NBEA: variants seen among roughly 807,000 people sequenced by gnomAD.
The protein encoded by NBEA is neurobeachin.
A neutral mutation model predicts 343.4 loss-of-function variants in NBEA; 44 were observed. That is an observed-to-expected ratio of 0.13 (90% CI 0.10 to 0.16). The LOEUF is 0.16. NBEA is among the 10% of genes least tolerant of loss of function. NBEA has a pLI of 1.00. For synonymous variants in NBEA, 1,175 were observed against 1,238.7 expected (o/e 0.95, Z 1.08); for missense variants, 2,555 against 3,631.3 (o/e 0.70, Z 7.62).
chr13:35,393,155 A>G (rs1289466054), intron 38 of NBEA, among the ~76,000 whole-genome samples: 1 of 152,200 alleles, frequency 6.6e-6, no homozygotes, highest in Non-Finnish European at 1.5e-5. Flanking sequence ...AGTGAAAGAT[A>G]GCAATTGTAA....
intron 13 of NBEA, among the ~76,000 whole-genome samples, chr13:35,114,343 A>G (rs2066389999): frequency 6.6e-6 from 1 of 152,088 alleles, no homozygotes; most frequent in Admixed American, 6.6e-5. Context: ...ATAGTGAGAA[A>G]TCTTGCTCCT....
rs1424272938 is a variant in NBEA, at chr13:35,101,932, TC to T, written c.1680+3528del. Among the ~76,000 whole-genome samples, 4 of 151,774 alleles carry T rather than the reference TC, an allele frequency of 2.6e-5. No homozygotes were observed. In the East Asian group the frequency reaches 7.7e-4, roughly 29 times the overall value. On this transcript the variant is annotated intron_variant, in intron 11 of 58. Transcript: ENST00000379939. ...CTAATTTTAATATAGGTTAAAATTT[TC>T]AGTTTCTTTTATGACTAGCCCATTT...
At chr13:35,273,502 A>G (rs2034335144) in intron 34 of NBEA, among the ~76,000 whole-genome samples, 1 of 152,154 alleles carries the variant, frequency 6.6e-6, no homozygotes, top group Non-Finnish European at 1.5e-5. Context: ...ACAAGAAATA[A>G]CTAAGATAAA....
chr13:34,947,199 TAAG>T (rs1380304997), intron 1 of NBEA, among the ~76,000 whole-genome samples: 7 of 152,234 alleles, frequency 4.6e-5, no homozygotes, highest in African/African-American at 1.7e-4. Flanking sequence ...TTCAATATCT[TAAG>T]GAGTTTTGAG....
intron 1 of NBEA, among the ~76,000 whole-genome samples, chr13:34,947,376 C>G (rs1753966085): frequency 1.3e-5 from 2 of 152,062 alleles, no homozygotes; most frequent in Admixed American, 1.3e-4. Context: ...TCTCAAGGTT[C>G]TTTATTCTTT....
chr13:35,665,246 C>T (rs2085295760), intron 56 of NBEA, 60 bp downstream of exon 56: 5 of 1,328,894 alleles, frequency 3.8e-6, no homozygotes, highest in Non-Finnish European at 5.3e-6. Flanking sequence ...TCACACTAAG[C>T]GTGATTGTCA....
chr13:35,450,959 T>C (rs2046279969), intron 39 of NBEA, among the ~76,000 whole-genome samples: 1 of 152,208 alleles, frequency 6.6e-6, no homozygotes, highest in African/African-American at 2.4e-5. Flanking sequence ...AAGCAGATGT[T>C]TGAATGTAAA....
At chr13:35,111,584 T>A (rs2066208876) in intron 13 of NBEA, among the ~76,000 whole-genome samples, 1 of 152,060 alleles carries the variant, frequency 6.6e-6, no homozygotes, top group Admixed American at 6.6e-5. Flanking sequence ...TAATTATAGA[T>A]TGAGATTTTC....
intron 30 of NBEA, among the ~76,000 whole-genome samples, chr13:35,190,001 T>C (rs889948836): frequency 6.6e-6 from 1 of 152,062 alleles, no homozygotes; most frequent in East Asian, 1.9e-4. Flanking sequence ...CAGTGGTAGT[T>C]TTGAAAACCA....
At position 35,159,803 on chromosome 13, in the gene NBEA, A is replaced by G. The variant is rs774070224; in HGVS notation, c.3632A>G (p.His1211Arg). The stretch of plus-strand genomic sequence containing the variant: ...ATAGAAGAAAAAGAATTCAAAATCC[A>G]TACAACTTCAGATGGAATGAGCAGT... ...SIIEEKEFKI[H>R]TTSDGMSSIS... Residue 1211 changes from histidine (H) to arginine (R), a missense_variant, in exon 22 of 59, where the codon CAT (histidine) becomes CGT (arginine). Physicochemically the swap from His to Arg is conservative, Grantham distance 29. Around this residue, in one of 21 missense-constraint regions of NBEA, gnomAD observed 367 missense variants for 377.5 expected, o/e 0.97. Transcript: ENST00000379939. 12 of 1,611,674 alleles carry G rather than the reference A, an allele frequency of 7.4e-6. No homozygotes were observed. Among genetic ancestry groups the G allele is most frequent in the South Asian group, 4.4e-5 (4 of 90,706 alleles).
intron 8 of NBEA, among the ~76,000 whole-genome samples, chr13:35,062,777 T>G (rs2063512517): frequency 6.6e-6 from 1 of 151,952 alleles, no homozygotes; most frequent in South Asian, 2.1e-4. Flanking sequence ...GAAAGAAAAT[T>G]AAATAAATTT....
chr13:35,173,877 A>G (rs577321401), intron 27 of NBEA, among the ~76,000 whole-genome samples: 1 of 152,306 alleles, frequency 6.6e-6, no homozygotes, highest in South Asian at 2.1e-4. Context: ...TTTAATAGTC[A>G]TATATTTTCA....
intron 38 of NBEA, among the ~76,000 whole-genome samples, chr13:35,413,956 G>A (rs565032736): frequency 1.3e-5 from 2 of 152,240 alleles, no homozygotes; most frequent in South Asian, 4.1e-4. Context: ...GTATAAGCTA[G>A]CAAATCCAAA....
At chr13:35,042,231 G>A (rs910380578) in intron 2 of NBEA, among the ~76,000 whole-genome samples, 21 of 151,650 alleles carry the variant, frequency 1.4e-4, no homozygotes, top group African/African-American at 5.1e-4. Flanking sequence ...ATTACCTTCA[G>A]GGTGGCATAT....
chr13:35,453,229 ACTG>A (rs1430590413), intron 40 of NBEA, among the ~76,000 whole-genome samples: 1 of 152,184 alleles, frequency 6.6e-6, no homozygotes, highest in Non-Finnish European at 1.5e-5. Flanking sequence ...TTAATTATAA[ACTG>A]GAGATAGCAC....
intron 31 of NBEA, among the ~76,000 whole-genome samples, chr13:35,208,381 A>G (rs2073539111): frequency 6.6e-6 from 1 of 152,188 alleles, no homozygotes; most frequent in Admixed American, 6.5e-5. Context: ...GTGCAAAGGC[A>G]AAATCTCCTA....
chr13:35,658,783 T>C (rs1263812100), intron 55 of NBEA, among the ~76,000 whole-genome samples: 1 of 152,192 alleles, frequency 6.6e-6, no homozygotes, highest in Non-Finnish European at 1.5e-5. Context: ...TCAGGTTTAG[T>C]ATTGATTGAC....
intron 10 of NBEA, among the ~76,000 whole-genome samples, chr13:35,095,969 A>G (rs2065313258): frequency 6.6e-6 from 1 of 151,924 alleles, no homozygotes. Context: ...GGGCTGAAGT[A>G]TCCTTTATAT....
intron 41 of NBEA, among the ~76,000 whole-genome samples, chr13:35,512,043 T>C (rs759162238): frequency 1.8e-4 from 28 of 152,354 alleles, no homozygotes; most frequent in Non-Finnish European, 2.9e-4. Flanking sequence ...TATTTGAAGA[T>C]AGATATTCTA....
Sources: gnomAD v4.1 joint callset for allele counts (sites outside exome capture counted in the v4.1 genomes callset) on GRCh38, gnomAD v4.1.1 for gene constraint, gnomAD v4.1.1 regional missense constraint, MANE v1.5 for transcripts, NCBI Gene and HGNC (gene_info 2026-07-23, HGNC 2026-07-21) for gene names.